Variants in ARL15 observed in about 807,000 individuals in gnomAD.
The protein encoded by ARL15 is ADP-ribosylation factor-like protein 15.
A neutral mutation model predicts 25.2 loss-of-function variants in ARL15; 19 were observed. The observed-to-expected ratio is 0.75, with a 90% CI of 0.53 to 1.10. The LOEUF is 1.10. Among genes scored for constraint, ARL15 ranks in the 50% least tolerant of loss-of-function variants. The pLI, the probability that ARL15 is intolerant of heterozygous loss-of-function variation, is 0.00. For synonymous variants in ARL15, 94 were observed against 86.8 expected (o/e 1.08, Z -0.46); for missense variants, 220 against 246.0 (o/e 0.89, Z 0.71).
At chr5:54,156,865 C>A (rs545060516) in intron 2 of ARL15, among the ~76,000 whole-genome samples, 145 of 152,268 alleles carry the variant, frequency 9.5e-4, no homozygotes, top group Middle Eastern at 3.4e-3. Flanking sequence ...CCTGAGCCTG[C>A]AGGAAAGCCT....
At chr5:54,056,346 T>C (rs1750870346) in intron 4 of ARL15, among the ~76,000 whole-genome samples, 2 of 151,908 alleles carry the variant, frequency 1.3e-5, no homozygotes, top group South Asian at 2.1e-4. Context: ...AGCAGTCTGA[T>C]TCAGGCCAGG....
At chr5:53,946,477 A>AAAAAAAAAAAAT (rs1746735651) in intron 4 of ARL15, among the ~76,000 whole-genome samples, 1 of 151,400 alleles carries the variant, frequency 6.6e-6, no homozygotes, top group Non-Finnish European at 1.5e-5. Context: ...AAAAAAAAAA[A>AAAAAAAAAAAAT]AAAGACATAA....
chr5:54,243,585 TTAGAGTCCAGACAAGACAA>T, intron 1 of ARL15, among the ~76,000 whole-genome samples: 1 of 152,190 alleles, frequency 6.6e-6, no homozygotes, highest in Non-Finnish European at 1.5e-5. Context: ...ATTCAAATGC[TTAGAGTCCAGACAAGACAA>T]AAGCAGGGAC....
rs549176294 is a variant in ARL15, at chr5:54,243,124, A to AG, written c.48+67307_48+67308insC. Among the ~76,000 whole-genome samples, 36 of 152,352 alleles carry AG rather than the reference A, an allele frequency of 2.4e-4. No homozygotes were observed. The East Asian group carries it at 3.3e-3, about 14-fold the overall frequency. ...ATAGAATATTATTACCTGCTTAGGA[A>AG]TAGACAGATTCAAAAAGATTTTAAA... On this transcript the variant is annotated intron_variant, in intron 1 of 4. Transcript: ENST00000504924.
chr5:54,285,088 C>T (rs1273897240), intron 1 of ARL15, among the ~76,000 whole-genome samples: 1 of 152,122 alleles, frequency 6.6e-6, no homozygotes, highest in Non-Finnish European at 1.5e-5. Context: ...GAGTTTCTAT[C>T]TCAGATAAAC....
intron 1 of ARL15, among the ~76,000 whole-genome samples, chr5:54,238,231 A>T (rs1476107159): frequency 2.0e-5 from 3 of 152,126 alleles, no homozygotes; most frequent in Non-Finnish European, 4.4e-5. Context: ...AAAGTCACTC[A>T]ATTTTTTATA....
chr5:53,961,597 A>G (rs1445551118), intron 4 of ARL15, among the ~76,000 whole-genome samples: 2 of 152,104 alleles, frequency 1.3e-5, no homozygotes, highest in Non-Finnish European at 2.9e-5. Context: ...AAAAGAAAGA[A>G]GCTGTACCTA....
At chr5:54,151,117 C>T (rs1194805378) in intron 3 of ARL15, among the ~76,000 whole-genome samples, 2 of 152,058 alleles carry the variant, frequency 1.3e-5, no homozygotes, top group East Asian at 3.9e-4. Flanking sequence ...CATGAAGTTG[C>T]AAAGACTGAG....
At position 54,117,366 on chromosome 5, in the gene ARL15, CACAT is replaced by C. The variant is rs1246370986; in HGVS notation, c.254-3960_254-3957del. 5.9e-4 allele frequency among the ~76,000 whole-genome samples: 72 copies of C among 122,528 alleles called. 1 individual carries two copies. The highest frequency in any genetic ancestry group is 9.1e-4 in the Non-Finnish European group (55 of 60,396). 80.4% of individuals were successfully genotyped at this position (122,528 alleles called of 152,430 possible). ...CATATGGTACCTGCAAATAGTGAGACACATACACACACACACACACACACACACA... is the reference window on the plus strand; with the variant it reads ...CATATGGTACCTGCAAATAGTGAGACACACACACACACACACACACACACA... On this transcript the variant is annotated intron_variant, in intron 3 of 4. Coordinates refer to ENST00000504924, the MANE Select transcript of ARL15 (RefSeq NM_019087.3).
chr5:54,081,495 T>C (rs1751794478), intron 4 of ARL15, among the ~76,000 whole-genome samples: 1 of 152,126 alleles, frequency 6.6e-6, no homozygotes, highest in Admixed American at 6.5e-5. Flanking sequence ...TGAATTGTAA[T>C]CCCCATAATC....
intron 3 of ARL15, among the ~76,000 whole-genome samples, chr5:54,121,131 C>G (rs1387433740): frequency 1.3e-5 from 2 of 152,128 alleles, no homozygotes; most frequent in Non-Finnish European, 2.9e-5. Flanking sequence ...AAATTTGTCC[C>G]TCACTTTGAG....
chr5:54,205,489 C>T (rs16882437), intron 1 of ARL15, among the ~76,000 whole-genome samples: 48,773 of 152,040 alleles, frequency 0.32, 8,278 homozygotes, highest in Middle Eastern at 0.39. Context: ...AAAATAACAA[C>T]GTCCCAGAAT....
At chr5:54,032,747 T>A (rs906976101) in intron 4 of ARL15, among the ~76,000 whole-genome samples, 9 of 152,186 alleles carry the variant, frequency 5.9e-5, no homozygotes, top group Non-Finnish European at 1.3e-4. Flanking sequence ...ATTATTTCAA[T>A]CATGCATAAA....
At chr5:54,284,914 T>C (rs954786267) in intron 1 of ARL15, among the ~76,000 whole-genome samples, 1 of 152,180 alleles carries the variant, frequency 6.6e-6, no homozygotes, top group Non-Finnish European at 1.5e-5. Flanking sequence ...TAACCAAACT[T>C]CCTTTGATCA....
In ARL15 at chr5:53,970,720, T is replaced by C. The variant is rs79937796; in HGVS notation, c.463-84007A>G. Among the ~76,000 whole-genome samples the C allele has an allele frequency of 4.2e-3, 635 of 152,288 alleles. 2 individuals are homozygous for C. The highest frequency in any genetic ancestry group is 0.014 in the African/African-American group (602 of 41,574). ...TTGACTCATTGGGCCCTGAAAGTTT[T>C]CCATCCCACCTTGGGCAGTTTACTG... On this transcript the variant is annotated intron_variant, in intron 4 of 4. Coordinates refer to ENST00000504924, the MANE Select transcript of ARL15 (RefSeq NM_019087.3).
At chr5:54,119,373 T>C (rs1277451885) in intron 3 of ARL15, among the ~76,000 whole-genome samples, 1 of 152,084 alleles carries the variant, frequency 6.6e-6, no homozygotes, top group Non-Finnish European at 1.5e-5. Flanking sequence ...AAGAAGACCC[T>C]TGCCAGATGA....
chr5:54,295,094 CA>C (rs1758432677), intron 1 of ARL15, among the ~76,000 whole-genome samples: 1 of 152,206 alleles, frequency 6.6e-6, no homozygotes, highest in Admixed American at 6.5e-5. Flanking sequence ...CAACTTGTTT[CA>C]TTATACTTGT....
intron 4 of ARL15, among the ~76,000 whole-genome samples, chr5:54,062,884 T>C (rs1751110874): frequency 6.6e-6 from 1 of 152,074 alleles, no homozygotes; most frequent in Non-Finnish European, 1.5e-5. Flanking sequence ...AAATGGCTAG[T>C]GGAGGATGTG....
intron 1 of ARL15, among the ~76,000 whole-genome samples, chr5:54,253,288 GA>G (rs1757286425): frequency 1.3e-5 from 2 of 152,110 alleles, no homozygotes; most frequent in African/African-American, 4.8e-5. Flanking sequence ...TCTTGGGCCT[GA>G]AAATTTAAAG....
Sources: gnomAD v4.1 joint callset for allele counts (sites outside exome capture counted in the v4.1 genomes callset) on GRCh38, gnomAD v4.1.1 for gene constraint, MANE v1.5 for transcripts, NCBI Gene and HGNC (gene_info 2026-07-23, HGNC 2026-07-21) for gene names.